The following SLC37A2 variants were observed in gnomAD, a reference collection of about 807,000 sequenced individuals.
The protein encoded by SLC37A2 is glucose-6-phosphate exchanger SLC37A2.
SLC37A2 carries 59 observed loss-of-function variants against 70.7 expected under a neutral mutation model. That is an observed-to-expected ratio of 0.83 (90% CI 0.68 to 1.04). The LOEUF is 1.04. SLC37A2 is among the 50% of genes least tolerant of loss of function. The pLI is 0.00. For synonymous variants in SLC37A2, 257 were observed against 262.1 expected (o/e 0.98, Z 0.19); for missense variants, 580 against 658.1 (o/e 0.88, Z 1.30).
chr11:125,082,406 C>A, intron 10 of SLC37A2, 72 bp downstream of exon 10: 1 of 1,331,142 alleles, frequency 7.5e-7, no homozygotes, highest in South Asian at 1.2e-5. Context: ...AGAGGAAGCC[C>A]GTCGTGGTGA....
At chr11:125,070,861 C>T (rs1258870826) in intron 1 of SLC37A2, among the ~76,000 whole-genome samples, 1 of 152,218 alleles carries the variant, frequency 6.6e-6, no homozygotes, top group Non-Finnish European at 1.5e-5. Flanking sequence ...TCCCTCCCTA[C>T]AGTGGACTGG....
intron 17 of SLC37A2, chr11:125,086,670 G>T: frequency 3.5e-6 from 1 of 288,052 alleles, no homozygotes; most frequent in Non-Finnish European, 6.7e-6. Flanking sequence ...ATCAAGCATG[G>T]GTGGCTGGCC....
rs1415696072 is a variant in SLC37A2 at position 125,085,153 on chromosome 11, C to A, written c.1248+14C>A. 3 of 1,612,530 alleles carry A rather than the reference C, an allele frequency of 1.9e-6. No homozygotes were observed. Among genetic ancestry groups the A allele is most frequent in the Admixed American group, 1.7e-5 (1 of 59,996 alleles). ...TCTGCTGATCTGGTGAGTGGGGCCA[C>A]CTCCCGAGGGCCAGGGACCGTTCTG... On this transcript the variant is annotated intron_variant, in intron 14 of 17. Transcript: ENST00000403796.
chr11:125,082,093 A>C, intron 9 of SLC37A2, 151 bp from the exon 10 acceptor site: 1 of 970,538 alleles, frequency 1.0e-6, no homozygotes, highest in Non-Finnish European at 1.6e-6. Context: ...CACAGTGGTC[A>C]TGTTGCTTTT....
At position 125,089,194 on chromosome 11, in the gene SLC37A2, C is replaced by T. The variant is rs757147732; in HGVS notation, c.*1060C>T. The T allele has an allele frequency of 6.6e-6, 1 of 152,374 alleles. No individual in the cohort carries two copies. Among genetic ancestry groups the T allele is most frequent in the African/African-American group, 2.4e-5 (1 of 41,468 alleles). The allele number at this position is 152,374 out of a possible 1,614,324, so 9.4% of individuals were successfully genotyped here. On this transcript the variant is annotated 3_prime_UTR_variant, in exon 18 of 18. Transcript: ENST00000403796. ...TAGCTCTTGGCATCTCCATCTGAGC[C>T]TAAAGTTGCCCACTGGCACCAATAG... is the stretch of plus-strand genomic sequence containing the variant.
rs1462095800 is a variant in SLC37A2 at position 125,085,943 on chromosome 11, G to A, written c.1426-11G>A. On this transcript the variant is annotated splice_polypyrimidine_tract_variant and intron_variant, in intron 16 of 17. Coordinates refer to ENST00000403796, the MANE Select transcript of SLC37A2 (RefSeq NM_001145290.2). ...GTGCCCTCCCTTCCCTCTGTGCCTT[G>A]TGCTCCACAGCTCCTTTGCCGGTTA... 1.2e-6 allele frequency: 2 copies of A among 1,613,630 alleles called. No individual in the cohort carries two copies. The highest frequency in any genetic ancestry group is 2.7e-5 in the African/African-American group (2 of 74,908).
intron 4 of SLC37A2, 87 bp downstream of exon 4, chr11:125,077,615 T>C (rs1163603514): frequency 1.9e-6 from 2 of 1,045,106 alleles, no homozygotes; most frequent in Admixed American, 4.2e-5. Flanking sequence ...CAGCTGGGAA[T>C]GAGCCCAGGG....
intron 1 of SLC37A2, among the ~76,000 whole-genome samples, chr11:125,065,027 T>C (rs1221414435): frequency 6.6e-6 from 1 of 152,240 alleles, no homozygotes; most frequent in African/African-American, 2.4e-5. Flanking sequence ...TGAGACCAAA[T>C]TGGTCTTCTA....
intron 14 of SLC37A2, 38 bp downstream of exon 14, chr11:125,085,177 TGG>T: frequency 1.9e-6 from 3 of 1,593,812 alleles, no homozygotes; most frequent in African/African-American, 2.7e-5. Flanking sequence ...GGGACCGTTC[TGG>T]GGGCTTGGTC....
intron 1 of SLC37A2, among the ~76,000 whole-genome samples, chr11:125,071,628 C>T (rs1169829959): frequency 6.6e-6 from 1 of 152,220 alleles, no homozygotes; most frequent in Non-Finnish European, 1.5e-5. Flanking sequence ...TCATCTCGAT[C>T]TCTCTGAGCA....
chr11:125,072,383 G>A (rs1160677934), intron 1 of SLC37A2, among the ~76,000 whole-genome samples: 1 of 152,118 alleles, frequency 6.6e-6, no homozygotes, highest in Non-Finnish European at 1.5e-5. Context: ...GGGGGAGGTG[G>A]GATTCTGAGA....
chr11:125,086,243 T>C (rs556513480), intron 17 of SLC37A2: 15 of 1,612,312 alleles, frequency 9.3e-6, no homozygotes, highest in African/African-American at 5.3e-5. Flanking sequence ...AGTATTTTCC[T>C]CAAGTCCCAT....
intron 1 of SLC37A2, among the ~76,000 whole-genome samples, chr11:125,075,131 C>A (rs74459099): frequency 1.3e-5 from 2 of 152,312 alleles, no homozygotes; most frequent in South Asian, 4.1e-4. Context: ...AGGTGCCACG[C>A]AAAGCTTCCC....
rs368498836 is a variant in SLC37A2 at position 125,081,459 on chromosome 11, G to A, written c.732+1G>A. On this transcript the variant is annotated splice_donor_variant, in intron 8 of 17. Transcript: ENST00000403796. LOFTEE classifies it high-confidence loss of function. ...GGACTGCGCCCCTCCTCAGCACCACGTGAGTGTGAGCCCTCCCAGCCCTAT... is the reference window on the plus strand; with the variant it reads ...GGACTGCGCCCCTCCTCAGCACCACATGAGTGTGAGCCCTCCCAGCCCTAT... 7.1e-5 allele frequency: 115 copies of A among 1,609,428 alleles called. 1 individual carries two copies. The highest frequency in any genetic ancestry group is 1.6e-4 in the Middle Eastern group (1 of 6,062).
At chr11:125,085,699 A>ACCCGT in intron 16 of SLC37A2, 25 bp downstream of exon 16, 1 of 1,604,978 alleles carries the variant, frequency 6.2e-7, no homozygotes, top group East Asian at 2.2e-5. Context: ...GTACACAGAT[A>ACCCGT]GGTATTGAGG....
intron 1 of SLC37A2, among the ~76,000 whole-genome samples, chr11:125,066,165 T>C (rs145681270): frequency 3.9e-4 from 59 of 152,394 alleles, no homozygotes; most frequent in African/African-American, 1.3e-3. Flanking sequence ...GTTGTCTAAG[T>C]AGTTCCATCA....
intron 17 of SLC37A2, 47 bp from the exon 18 acceptor site, chr11:125,088,072 G>A: frequency 1.3e-6 from 2 of 1,549,934 alleles, no homozygotes; most frequent in Non-Finnish European, 1.7e-6. Context: ...AGGAGCTTAT[G>A]AAGTCATCTC....
In SLC37A2 at chr11:125,087,981, G is replaced by C. The variant is rs564621164; in HGVS notation, c.1491-138G>C. Reference sequence around the variant, plus strand: ...GCTATTTCCTGCCTGAGAGGTGAAAGGGAGGCCTCATTACAGAGAACTGAG... The same window carrying C: ...GCTATTTCCTGCCTGAGAGGTGAAACGGAGGCCTCATTACAGAGAACTGAG... On this transcript the variant is annotated intron_variant, in intron 17 of 17. Transcript: ENST00000403796. 9.7e-4 allele frequency: 877 copies of C among 904,834 alleles called. 12 individuals carry two copies. The South Asian group carries it at 0.013, about 14-fold the overall frequency. The allele number at this position is 904,834 out of a possible 1,614,324, so 56.1% of individuals were successfully genotyped here. A position where few individuals can be genotyped will look rare whatever the true frequency, so the allele number is the denominator to read the frequency against.
At chr11:125,081,657 A>G (rs1949152197) in intron 8 of SLC37A2, 97 bp from the exon 9 acceptor site, 1 of 1,469,584 alleles carries the variant, frequency 6.8e-7, no homozygotes, top group African/African-American at 1.4e-5. Flanking sequence ...GTGCCTCCCC[A>G]TCCTGGGAGC....
Sources: allele counts gnomAD v4.1 joint callset (sites outside exome capture counted in the v4.1 genomes callset), GRCh38; gene constraint gnomAD v4.1.1; transcripts MANE v1.5; gene names NCBI Gene and HGNC (gene_info 2026-07-23, HGNC 2026-07-21).